NLRP13: variants seen among roughly 807,000 people sequenced by gnomAD.
The protein encoded by NLRP13 is NACHT, LRR and PYD domains-containing protein 13.
In NLRP13, 82 loss-of-function variants were observed where a neutral mutation model predicts 94.4. The observed-to-expected ratio is 0.87, with a 90% confidence interval of 0.73 to 1.04. The LOEUF is 1.04. Ranked by LOEUF, NLRP13 falls within the 50% of genes least tolerant of loss-of-function variation. The pLI is 0.00. For missense variants in NLRP13, 1,426 were observed against 1,230.8 expected (o/e 1.16, Z -2.37); for synonymous variants, 553 against 464.7 (o/e 1.19, Z -2.45).
chr19:55,892,457 T>C (rs1348496519), downstream of NLRP13, among the ~76,000 whole-genome samples: 1 of 152,170 alleles, frequency 6.6e-6, no homozygotes, highest in East Asian at 1.9e-4. Flanking sequence ...AGTGTCACTT[T>C]GTCACCCAGG....
At chr19:55,894,691 T>C (rs1985952464), downstream of NLRP13, among the ~76,000 whole-genome samples, 1 of 152,214 alleles carries the variant, frequency 6.6e-6, no homozygotes, top group Admixed American at 6.5e-5. Context: ...GTCTCAGACC[T>C]GTTATCTCCT....
At chr19:55,891,901 C>G (rs1195615019), downstream of NLRP13, 3 of 396,968 alleles carry the variant, frequency 7.6e-6, no homozygotes, top group African/African-American at 6.2e-5. Context: ...GCTCATTTGT[C>G]CCCACAAATG....
chr19:55,910,720 C>T lies in NLRP13; in HGVS notation c.2125G>A (p.Asp709Asn), dbSNP rs1176123566. The change falls in exon 6 of 11, where the codon GAT becomes AAT. Residue 709 changes from aspartate (D) to asparagine (N), a missense_variant. By Grantham distance (23) the Asp-to-Asn change is conservative. Coordinates refer to ENST00000342929, the MANE Select transcript of NLRP13 (RefSeq NM_176810.2). The part of the protein sequence containing the change: ...DLEILETSKF[D>N]SRMHAWNSIC... Reference sequence around the variant, plus strand: ...CTGTTCCATGCGTGCATCCTGGAATCAAACTTGCTTGTCCTTCATGAGGGA... The same window carrying T: ...CTGTTCCATGCGTGCATCCTGGAATTAAACTTGCTTGTCCTTCATGAGGGA... The T allele has an allele frequency of 6.2e-7, 1 of 1,607,584 alleles. No homozygotes were observed. The highest frequency in any genetic ancestry group is 1.7e-5 in the Admixed American group (1 of 59,724).
chr19:55,896,832 A>AAG (rs1986029986), intron 10 of NLRP13, among the ~76,000 whole-genome samples: 1 of 147,584 alleles, frequency 6.8e-6, no homozygotes, highest in Non-Finnish European at 1.5e-5. Context: ...AAAAAAAAAA[A>AAG]AAAAAAAAAA....
At chr19:55,919,335 A>G (rs1392148199) in intron 4 of NLRP13, among the ~76,000 whole-genome samples, 1 of 152,092 alleles carries the variant, frequency 6.6e-6, no homozygotes, top group Admixed American at 6.6e-5. Flanking sequence ...CACTTTCACC[A>G]CTCCTATTCA....
intron 7 of NLRP13, among the ~76,000 whole-genome samples, chr19:55,906,958 G>A (rs1214872676): frequency 1.5e-5 from 1 of 66,586 alleles, no homozygotes; most frequent in Non-Finnish European, 2.9e-5. Context: ...CCTGGGATCT[G>A]TATTATTATT....
intron 1 of NLRP13, 131 bp downstream of exon 1, chr19:55,931,862 T>C: frequency 1.3e-6 from 1 of 767,608 alleles, no homozygotes; most frequent in Non-Finnish European, 2.1e-6. Context: ...CATCATACTG[T>C]CATAGATTAT....
At chr19:55,898,121 C>T (rs775994297) in intron 10 of NLRP13, among the ~76,000 whole-genome samples, 1 of 151,846 alleles carries the variant, frequency 6.6e-6, no homozygotes, top group African/African-American at 2.4e-5. Context: ...TTCAATGTAC[C>T]AAGGATGGTG....
At chr19:55,905,609 C>T (rs1381666679) in intron 7 of NLRP13, among the ~76,000 whole-genome samples, 5 of 151,836 alleles carry the variant, frequency 3.3e-5, no homozygotes, top group East Asian at 1.9e-4. Context: ...GCCAAGAGTG[C>T]GCCACTGTAC....
At chr19:55,898,981 C>G in intron 9 of NLRP13, 44 bp from the exon 10 acceptor site, 1 of 1,579,162 alleles carries the variant, frequency 6.3e-7, no homozygotes, top group Non-Finnish European at 8.6e-7. Context: ...TAATTGCGTC[C>G]CGAAGCTGTG....
intron 6 of NLRP13, among the ~76,000 whole-genome samples, chr19:55,909,917 CT>C (rs1367709509): frequency 2.6e-5 from 4 of 152,276 alleles, no homozygotes; most frequent in Middle Eastern, 3.4e-3. Flanking sequence ...ACCCAAATAC[CT>C]TTTCAGTGAG....
At chr19:55,920,003 T>C (rs1219265724) in intron 4 of NLRP13, among the ~76,000 whole-genome samples, 3 of 151,966 alleles carry the variant, frequency 2.0e-5, no homozygotes, top group Non-Finnish European at 4.4e-5. Context: ...TGTAACAGAA[T>C]AGAGAGGCCA....
At chr19:55,892,292 A>G (rs1985872873), downstream of NLRP13, among the ~76,000 whole-genome samples, 1 of 152,046 alleles carries the variant, frequency 6.6e-6, no homozygotes, top group South Asian at 2.1e-4. Context: ...TAGCACCTGA[A>G]AGTACTTTAA....
In NLRP13 at chr19:55,898,728, G is replaced by A. The variant is rs762169830; in HGVS notation, c.2957+42C>T. The A allele has an allele frequency of 1.9e-6, 3 of 1,543,220 alleles. No individual in the cohort carries two copies. The Admixed American group carries it at 5.9e-5, about 30-fold the overall frequency. On this transcript the variant is annotated intron_variant, in intron 10 of 10. Transcript: ENST00000342929. ...CGATCATATCTCCCCACCCGCAAGA[G>A]TAGAGAAGGAAGACTCTGCAAGGAG...
In NLRP13 at chr19:55,900,775, TA is replaced by T. The variant is rs3073241; in HGVS notation, c.2789+1259del. Among the ~76,000 whole-genome samples, 889 of 134,120 alleles carry T rather than the reference TA, an allele frequency of 6.6e-3. 3 individuals carry two copies. Among genetic ancestry groups the T allele is most frequent in the Non-Finnish European group, 6.7e-3 (423 of 63,562 alleles). 88.0% of individuals were successfully genotyped at this position (134,120 alleles called of 152,430 possible). On this transcript the variant is annotated intron_variant, in intron 9 of 10. Transcript: ENST00000342929. ...TGAGTGACAGAACAAGACTCCATCT[TA>T]AAAAAAAAAAAAAAATCTAGAACCA... is the stretch of plus-strand genomic sequence containing the variant.
At chr19:55,900,945 G>A (rs1192102457) in intron 9 of NLRP13, among the ~76,000 whole-genome samples, 1 of 151,844 alleles carries the variant, frequency 6.6e-6, no homozygotes, top group Admixed American at 6.5e-5. Flanking sequence ...AAAATCCCCT[G>A]GAAGAATAAC....
At chr19:55,928,309 T>A (rs560849391) in intron 1 of NLRP13, among the ~76,000 whole-genome samples, 1 of 152,300 alleles carries the variant, frequency 6.6e-6, no homozygotes, top group Admixed American at 6.5e-5. Flanking sequence ...GGACACCCCA[T>A]CTACCCTGAT....
chr19:55,903,362 C>T (rs1986243647), intron 8 of NLRP13, among the ~76,000 whole-genome samples: 1 of 152,096 alleles, frequency 6.6e-6, no homozygotes, highest in South Asian at 2.1e-4. Context: ...GGTCCTTGGC[C>T]TTTTCTGTGC....
intron 10 of NLRP13, among the ~76,000 whole-genome samples, chr19:55,898,240 G>C (rs866508017): frequency 7.9e-6 from 1 of 126,806 alleles, no homozygotes; most frequent in Non-Finnish European, 1.6e-5. Flanking sequence ...ATGGAGTTTC[G>C]CTCTTGTCTC....
Sources: allele counts gnomAD v4.1 joint callset (sites outside exome capture counted in the v4.1 genomes callset), GRCh38; gene constraint gnomAD v4.1.1; transcripts MANE v1.5; gene names NCBI Gene and HGNC (gene_info 2026-07-23, HGNC 2026-07-21).